TMEM229B: variants seen among roughly 807,000 people sequenced by gnomAD.
TMEM229B encodes the protein transmembrane protein 229B, also known as chromosome 14 open reading frame 83.
In TMEM229B, 6 loss-of-function variants were observed where a neutral mutation model predicts 13.7. The observed-to-expected ratio is 0.44, with a 90% confidence interval of 0.24 to 0.86. The LOEUF is 0.86. TMEM229B is among the 40% of genes least tolerant of loss of function. The pLI is 0.23. For missense variants in TMEM229B, 170 were observed against 236.0 expected, an observed-to-expected ratio of 0.72 and a Z score of 1.83; for synonymous variants, 107 against 102.1, an observed-to-expected ratio of 1.05 and a Z score of -0.29.
upstream of TMEM229B, among the ~76,000 whole-genome samples, chr14:67,492,901 A>G (rs961100778): frequency 4.6e-5 from 7 of 152,252 alleles, no homozygotes; most frequent in African/African-American, 1.7e-4. Flanking sequence ...GAGATCAGCA[A>G]TAACTAAGCA....
chr14:67,496,846 G>A (rs2032409989), intron 1 of TMEM229B, among the ~76,000 whole-genome samples: 2 of 151,374 alleles, frequency 1.3e-5, no homozygotes, highest in African/African-American at 4.9e-5. Context: ...TGCCCAGGCT[G>A]GGGTACAGTG....
upstream of TMEM229B, among the ~76,000 whole-genome samples, chr14:67,493,050 G>A (rs576770872): frequency 3.3e-5 from 5 of 152,306 alleles, no homozygotes; most frequent in East Asian, 9.6e-4. Flanking sequence ...AGAAAGATGA[G>A]AAGAAGCCGT....
intron 1 of TMEM229B, among the ~76,000 whole-genome samples, chr14:67,497,929 A>G (rs558888816): frequency 1.3e-5 from 2 of 152,166 alleles, no homozygotes; most frequent in East Asian, 3.9e-4. Flanking sequence ...GCAACCACAT[A>G]TTAGAATACA....
intron 1 of TMEM229B, among the ~76,000 whole-genome samples, chr14:67,513,357 G>A (rs12879556): frequency 6.6e-6 from 1 of 152,044 alleles, no homozygotes; most frequent in South Asian, 2.1e-4. Context: ...CTTCTCTGGT[G>A]CAGTACCTGC....
upstream of TMEM229B, among the ~76,000 whole-genome samples, chr14:67,489,962 C>T (rs2032095316): frequency 6.6e-6 from 1 of 151,256 alleles, no homozygotes; most frequent in Non-Finnish European, 1.5e-5. Context: ...TGCACTCCAG[C>T]CTGGGCGACA....
chr14:67,503,522 C>A (rs2032694062), intron 1 of TMEM229B: 1 of 152,170 alleles, frequency 6.6e-6, no homozygotes, highest in African/African-American at 2.4e-5. Flanking sequence ...TGCATGCCAC[C>A]TTCATGACTC....
chr14:67,504,044 C>T (rs1427350812), intron 1 of TMEM229B, among the ~76,000 whole-genome samples: 5 of 116,934 alleles, frequency 4.3e-5, no homozygotes, highest in Admixed American at 8.7e-5. Context: ...GACAGGATCT[C>T]GCTCTGTCAC....
intron 1 of TMEM229B, among the ~76,000 whole-genome samples, chr14:67,508,565 A>C (rs2032912230): frequency 6.6e-6 from 1 of 151,696 alleles, no homozygotes. Context: ...CTTAACCCTC[A>C]TTCCTCTTCC....
At chr14:67,532,463 T>C (rs552979971) in intron 1 of TMEM229B, among the ~76,000 whole-genome samples, 75 of 152,260 alleles carry the variant, frequency 4.9e-4, no homozygotes, top group Non-Finnish European at 8.2e-4. Context: ...CCAACCCCTC[T>C]GGGTATGAGA....
In TMEM229B at chr14:67,473,278, G is replaced by A. The variant is rs1292762743; in HGVS notation, c.*142C>T. The A allele has an allele frequency of 7.5e-6, 9 of 1,198,324 alleles. No individual in the cohort carries two copies. Among genetic ancestry groups the A allele is most frequent in the African/African-American group, 1.5e-5 (1 of 65,580 alleles). The allele number at this position is 1,198,324 out of a possible 1,614,324, so 74.2% of individuals were successfully genotyped here. ...CCCCCCAACACCGGCCCCCGCGGACGTTAGGGGGCTCTGTGTGCCCTATAG... is the reference window on the plus strand; with the variant it reads ...CCCCCCAACACCGGCCCCCGCGGACATTAGGGGGCTCTGTGTGCCCTATAG... On this transcript the variant is annotated 3_prime_UTR_variant, in exon 3 of 3. Transcript: ENST00000554480. This position sits in a 1 kb window ranked among gnomAD's most constrained non-coding sequence, Gnocchi z 6.5.
At chr14:67,521,725 G>A (rs776996528) in intron 1 of TMEM229B, among the ~76,000 whole-genome samples, 6 of 152,184 alleles carry the variant, frequency 3.9e-5, no homozygotes, top group Non-Finnish European at 7.3e-5. Context: ...ATTAGCACAG[G>A]TTGATAAGAA....
chr14:67,474,199 C>T (rs1471112016), intron 2 of TMEM229B, among the ~76,000 whole-genome samples: 1 of 151,792 alleles, frequency 6.6e-6, no homozygotes, highest in Non-Finnish European at 1.5e-5. Context: ...TTGGAGTGAG[C>T]CAAGATTGCG....
chr14:67,511,948 C>T (rs181135877), intron 1 of TMEM229B, among the ~76,000 whole-genome samples: 201 of 152,360 alleles, frequency 1.3e-3, no homozygotes, highest in African/African-American at 4.7e-3. Context: ...GTGAAAACCA[C>T]TGCCTTTTCC....
rs148120534 is a variant in TMEM229B, at chr14:67,500,169, A to C, written c.-191-12997T>G. On this transcript the variant is annotated intron_variant, in intron 1 of 2. Coordinates refer to the TMEM229B transcript ENST00000357461. Reference sequence around the variant, plus strand: ...ACAGAGTGAGACCCTGTCTCTTAAAATAAATAAATAAATAGAAAACAATAG... The same window carrying C: ...ACAGAGTGAGACCCTGTCTCTTAAACTAAATAAATAAATAGAAAACAATAG... 2.3e-3 allele frequency among the ~76,000 whole-genome samples: 348 copies of C among 151,922 alleles called. 2 individuals are homozygous for C. The highest frequency in any genetic ancestry group is 7.9e-3 in the African/African-American group (324 of 41,210).
chr14:67,511,223 T>C (rs542209950), intron 1 of TMEM229B, among the ~76,000 whole-genome samples: 7 of 152,294 alleles, frequency 4.6e-5, no homozygotes, highest in African/African-American at 1.4e-4. Flanking sequence ...CAGAAGTGGA[T>C]AATCCAGTAT....
intron 2 of TMEM229B, among the ~76,000 whole-genome samples, chr14:67,482,804 C>T (rs1011871718): frequency 6.6e-6 from 1 of 152,114 alleles, no homozygotes; most frequent in African/African-American, 2.4e-5. Flanking sequence ...CAGACTTCCA[C>T]CCTCTTGCTG....
chr14:67,518,121 A>C (rs991005362), upstream of TMEM229B, among the ~76,000 whole-genome samples: 5 of 152,184 alleles, frequency 3.3e-5, no homozygotes, highest in African/African-American at 1.2e-4. Context: ...TACAGGGTGA[A>C]GGTGAAGGGG....
At chr14:67,490,768 GT>G (rs887136460), upstream of TMEM229B, among the ~76,000 whole-genome samples, 3 of 151,894 alleles carry the variant, frequency 2.0e-5, no homozygotes, top group Non-Finnish European at 4.4e-5. Flanking sequence ...TACTACCTCT[GT>G]TTTTTTACCC....
intron 2 of TMEM229B, among the ~76,000 whole-genome samples, chr14:67,485,647 G>A (rs1032468055): frequency 6.6e-6 from 1 of 152,176 alleles, no homozygotes; most frequent in Admixed American, 6.5e-5. Context: ...TACGGGCCCT[G>A]CACAGACATA....
Sources: gnomAD v4.1 joint callset for allele counts (sites outside exome capture counted in the v4.1 genomes callset) on GRCh38, gnomAD v4.1.1 for gene constraint, Gnocchi (gnomAD v3.1) non-coding constraint, MANE v1.5 for transcripts, NCBI Gene and HGNC (gene_info 2026-07-23, HGNC 2026-07-21) for gene names.